Variants in SH3RF1 observed in about 807,000 individuals in gnomAD.
SH3RF1 encodes E3 ubiquitin-protein ligase SH3RF1.
SH3RF1 carries 32 observed loss-of-function variants against 74.0 expected under a neutral mutation model. The ratio of observed to expected loss-of-function variants is 0.43; its 90% CI spans 0.33 to 0.58. The LOEUF (loss-of-function observed/expected upper bound fraction) is 0.58, where lower values mean the gene tolerates loss of function less well. Among genes scored for constraint, SH3RF1 ranks in the 20% least tolerant of loss-of-function variants. The pLI is 0.05. For synonymous variants in SH3RF1, 396 were observed against 439.6 expected, an observed-to-expected ratio of 0.90 and a Z score of 1.24; for missense variants, 954 against 1,130.9, an observed-to-expected ratio of 0.84 and a Z score of 2.24.
intron 11 of SH3RF1, among the ~76,000 whole-genome samples, chr4:169,096,968 T>A (rs1461927688): frequency 6.6e-6 from 1 of 152,184 alleles, no homozygotes. Context: ...CCAGTGTTTG[T>A]ATCTTGGCCA....
intron 2 of SH3RF1, among the ~76,000 whole-genome samples, chr4:169,249,666 C>G (rs1731065211): frequency 6.6e-6 from 1 of 152,138 alleles, no homozygotes; most frequent in African/African-American, 2.4e-5. Flanking sequence ...ATCCAATCCC[C>G]CCGTTGGAGA....
At chr4:169,108,582 G>T (rs1238248685) in intron 10 of SH3RF1, among the ~76,000 whole-genome samples, 1 of 152,156 alleles carries the variant, frequency 6.6e-6, no homozygotes, top group African/African-American at 2.4e-5. Flanking sequence ...GCTTGACCTG[G>T]GCTATAGATG....
At chr4:169,218,806 T>G (rs1730517143) in intron 2 of SH3RF1, among the ~76,000 whole-genome samples, 1 of 152,086 alleles carries the variant, frequency 6.6e-6, no homozygotes, top group Admixed American at 6.6e-5. Context: ...ATTAACTGAT[T>G]CATTAATGGA....
chr4:169,119,634 T>C (rs1733405065), intron 8 of SH3RF1, among the ~76,000 whole-genome samples: 1 of 152,194 alleles, frequency 6.6e-6, no homozygotes, highest in African/African-American at 2.4e-5. Flanking sequence ...TTAACATACA[T>C]AGAAAAGAAT....
intron 6 of SH3RF1, among the ~76,000 whole-genome samples, 162 bp from the exon 7 acceptor site, chr4:169,122,428 C>T (rs1371633415): frequency 6.6e-6 from 1 of 152,128 alleles, no homozygotes; most frequent in Non-Finnish European, 1.5e-5. Context: ...GATATGAAAG[C>T]CTGCTTCTAC....
intron 2 of SH3RF1, among the ~76,000 whole-genome samples, chr4:169,165,485 T>C (rs1734220958): frequency 1.3e-5 from 2 of 152,032 alleles, no homozygotes; most frequent in South Asian, 4.2e-4. Context: ...GGTTCACAAC[T>C]AGTCTGGGTG....
At chr4:169,138,111 C>G (rs1203477401) in intron 4 of SH3RF1, among the ~76,000 whole-genome samples, 1 of 152,152 alleles carries the variant, frequency 6.6e-6, no homozygotes, top group Non-Finnish European at 1.5e-5. Flanking sequence ...GAGGGTGGCC[C>G]TATTACAAGC....
intron 2 of SH3RF1, among the ~76,000 whole-genome samples, chr4:169,186,229 A>C (rs566491451): frequency 7.7e-4 from 117 of 152,180 alleles, no homozygotes; most frequent in Non-Finnish European, 9.6e-4. Context: ...TAGCTGGAAA[A>C]TGCCTGGACT....
Position 169,207,411 on chromosome 4 carries a change from AG to A in SH3RF1, c.394-50733del, listed in dbSNP as rs533895147. Among the ~76,000 whole-genome samples, 309 of 152,348 alleles carry A rather than the reference AG, an allele frequency of 2.0e-3. 2 individuals carry two copies. Among genetic ancestry groups the A allele is most frequent in the African/African-American group, 7.3e-3 (303 of 41,584 alleles). On this transcript the variant is annotated intron_variant, in intron 2 of 11. Transcript: ENST00000284637. ...CACTGTGCTCCAGTCTAGGTGACTG[AG>A]TGAGACCCTGTCTCAAATAAATAAG...
At chr4:169,143,853 T>C (rs1294208725) in intron 4 of SH3RF1, among the ~76,000 whole-genome samples, 1 of 152,208 alleles carries the variant, frequency 6.6e-6, no homozygotes, top group Admixed American at 6.5e-5. Flanking sequence ...TAAACTAGAA[T>C]TTTCTTGTTC....
intron 2 of SH3RF1, among the ~76,000 whole-genome samples, chr4:169,228,383 G>A (rs564368291): frequency 1.6e-4 from 21 of 127,414 alleles, no homozygotes; most frequent in East Asian, 1.1e-3. Context: ...TGTTGGCAGC[G>A]CTGTGTTTTT....
chr4:169,191,323 A>G (rs537594187), intron 2 of SH3RF1, among the ~76,000 whole-genome samples: 107 of 149,590 alleles, frequency 7.2e-4, no homozygotes, highest in African/African-American at 2.5e-3. Flanking sequence ...AAACCTTAGG[A>G]ATATACCTAA....
chr4:169,206,740 G>C (rs1238029571), intron 2 of SH3RF1, among the ~76,000 whole-genome samples: 2 of 152,088 alleles, frequency 1.3e-5, no homozygotes, highest in East Asian at 3.9e-4. Flanking sequence ...ACAAGCCATG[G>C]GAGACATAAG....
At chr4:169,269,680 C>G (rs1221020430) in intron 1 of SH3RF1, 2 of 153,232 alleles carry the variant, frequency 1.3e-5, no homozygotes, top group Non-Finnish European at 2.9e-5. Flanking sequence ...TGACAGAGGC[C>G]ATTGAAAGTT....
chr4:169,154,341 G>A (rs1734019006), intron 4 of SH3RF1, among the ~76,000 whole-genome samples: 1 of 152,098 alleles, frequency 6.6e-6, no homozygotes, highest in East Asian at 1.9e-4. Context: ...TTATGAAAAC[G>A]TTGGCAATCT....
At position 169,132,002 on chromosome 4, in the gene SH3RF1, G is replaced by A. The variant is rs573024306; in HGVS notation, c.1069-1846C>T. Among the ~76,000 whole-genome samples, 6 of 152,332 alleles carry A rather than the reference G, an allele frequency of 3.9e-5. No individual in the cohort carries two copies. In the South Asian group the frequency reaches 6.2e-4, roughly 16 times the overall value. On this transcript the variant is annotated intron_variant, in intron 5 of 11. Transcript: ENST00000284637. Reference sequence around the variant, plus strand: ...AGGGTATTTGGGCCTGAGAAGACTCGGTATCCAGGGCCCTTGAGCCGCTGC... The same window carrying A: ...AGGGTATTTGGGCCTGAGAAGACTCAGTATCCAGGGCCCTTGAGCCGCTGC...
At chr4:169,196,505 T>C (rs191812542) in intron 2 of SH3RF1, among the ~76,000 whole-genome samples, 6 of 152,356 alleles carry the variant, frequency 3.9e-5, no homozygotes, top group African/African-American at 1.4e-4. Flanking sequence ...ATTTGAGAAC[T>C]AGGATATTAT....
At chr4:169,107,543 A>G (rs1733167313) in intron 10 of SH3RF1, among the ~76,000 whole-genome samples, 1 of 152,212 alleles carries the variant, frequency 6.6e-6, no homozygotes, top group Admixed American at 6.5e-5. Flanking sequence ...ATGTAAGACA[A>G]TAAAACTCAC....
At chr4:169,167,668 G>A (rs955602217) in intron 2 of SH3RF1, among the ~76,000 whole-genome samples, 3 of 152,088 alleles carry the variant, frequency 2.0e-5, no homozygotes, top group African/African-American at 7.2e-5. Flanking sequence ...CAGGTGAAAC[G>A]AATCTCTTGT....
Sources: gnomAD v4.1 joint callset for allele counts (sites outside exome capture counted in the v4.1 genomes callset) on GRCh38, gnomAD v4.1.1 for gene constraint, MANE v1.5 for transcripts, NCBI Gene and HGNC (gene_info 2026-07-23, HGNC 2026-07-21) for gene names.